ZNF746: variants seen among roughly 807,000 people sequenced by gnomAD.
ZNF746 encodes parkin-interacting substrate.
Under a neutral mutation model 41.0 loss-of-function variants are expected in ZNF746, and 13 were observed. The observed-to-expected ratio is 0.32, with a 90% CI of 0.21 to 0.50. ZNF746 has a LOEUF of 0.50. ZNF746 is among the 20% of genes least tolerant of loss of function. The probability of loss-of-function intolerance (pLI) is 0.98; values close to 1 mark genes in which losing one functional copy is unlikely to be tolerated. For synonymous variants in ZNF746, 424 were observed against 396.2 expected (o/e 1.07, Z -0.83); for missense variants, 811 against 922.9 (o/e 0.88, Z 1.57).
chr7:149,483,867 T>A (rs1216487412), intron 4 of ZNF746, among the ~76,000 whole-genome samples: 1 of 152,080 alleles, frequency 6.6e-6, no homozygotes, highest in Non-Finnish European at 1.5e-5. Flanking sequence ...AATAACCAAT[T>A]GGAAGAATGA....
chr7:149,484,218 G>A (rs10231827), intron 4 of ZNF746, among the ~76,000 whole-genome samples: 101,232 of 151,952 alleles, frequency 0.67, 34,146 homozygotes, highest in East Asian at 0.81. Flanking sequence ...TTTTAATACC[G>A]AAACCAGACA....
chr7:149,495,413 G>A (rs1365198145), intron 1 of ZNF746, among the ~76,000 whole-genome samples: 2 of 152,164 alleles, frequency 1.3e-5, no homozygotes, highest in Admixed American at 6.5e-5. Flanking sequence ...TTAGAGACGG[G>A]GGCCTTCCCT....
chr7:149,483,308 T>C (rs1250040951), intron 4 of ZNF746, among the ~76,000 whole-genome samples: 3 of 152,272 alleles, frequency 2.0e-5, no homozygotes, highest in South Asian at 2.1e-4. Context: ...CTTGTATGTT[T>C]ATATTAAAAA....
intron 4 of ZNF746, among the ~76,000 whole-genome samples, chr7:149,479,421 C>T (rs1800418996): frequency 6.6e-6 from 1 of 152,052 alleles, no homozygotes; most frequent in Admixed American, 6.5e-5. Flanking sequence ...ATTGCACAAA[C>T]TAGAGGGGTA....
intron 4 of ZNF746, among the ~76,000 whole-genome samples, chr7:149,482,760 C>T (rs1800519471): frequency 6.6e-6 from 1 of 152,164 alleles, no homozygotes; most frequent in Non-Finnish European, 1.5e-5. Context: ...CCACTACACC[C>T]AGCCAATAAC....
chr7:149,495,882 C>T (rs1163847984), intron 1 of ZNF746, among the ~76,000 whole-genome samples: 1 of 152,204 alleles, frequency 6.6e-6, no homozygotes, highest in Non-Finnish European at 1.5e-5. Context: ...ACAAGCTGAA[C>T]TGTTTCTAGG....
rs1801043106 is a variant in ZNF746 at position 149,497,382 on chromosome 7, C to T, written c.24+131G>A. 2.0e-6 allele frequency: 2 copies of T among 999,120 alleles called. No individual in the cohort carries two copies. Among genetic ancestry groups the T allele is most frequent in the East Asian group, 9.6e-5 (1 of 10,406 alleles). The allele number at this position is 999,120 out of a possible 1,614,324, so 61.9% of individuals were successfully genotyped here. A position where few individuals can be genotyped will look rare whatever the true frequency, so the allele number is the denominator to read the frequency against. On this transcript the variant is annotated intron_variant, in intron 1 of 6. Transcript: ENST00000458143. This position sits in a 1 kb window ranked among gnomAD's most constrained non-coding sequence, Gnocchi z 4.2. ...CCCGGCGGACCCCGCGCCCCATTCG[C>T]GGGAGCCCCAGGCCCGGTGGTCCGG...
intron 4 of ZNF746, chr7:149,490,511 G>A (rs1285912634): frequency 6.5e-6 from 1 of 152,738 alleles, no homozygotes; most frequent in African/African-American, 2.4e-5. Context: ...CACAATGGTG[G>A]GCATGGAGGG....
chr7:149,488,167 CTT>C (rs1260819638), intron 4 of ZNF746: 1 of 152,130 alleles, frequency 6.6e-6, no homozygotes, highest in Non-Finnish European at 1.5e-5. Flanking sequence ...ATTCAGCAAA[CTT>C]TGTTGGAAAA....
rs954770866 is a variant in ZNF746 at position 149,475,092 on chromosome 7, C to T, written c.1275G>A (p.Glu425=). 4 of 1,604,824 alleles carry T rather than the reference C, an allele frequency of 2.5e-6. No individual in the cohort carries two copies. The African/African-American group carries it at 4.0e-5, about 16-fold the overall frequency. The change falls in exon 7 of 7, where the codon GAG becomes GAA. Residue 425 remains glutamate (E), a synonymous_variant. Transcript: ENST00000458143. ...GGGCCTGGCTGGGGTCCAAGATGGC[C>T]TCTCCGTTGTCCGGGGAGGAGTAAG... The part of the protein sequence containing the change: ...GLPYSSPDNG[E]AILDPSQAPR...
At chr7:149,487,010 G>A (rs964268885) in intron 4 of ZNF746, among the ~76,000 whole-genome samples, 1 of 152,232 alleles carries the variant, frequency 6.6e-6, no homozygotes, top group African/African-American at 2.4e-5. Context: ...AGCTTCATCT[G>A]TAATTACAGC....
At chr7:149,476,313 C>CAAAAAAA (rs55888950) in intron 6 of ZNF746, among the ~76,000 whole-genome samples, 24 of 63,332 alleles carry the variant, frequency 3.8e-4, no homozygotes, top group East Asian at 3.1e-3. Flanking sequence ...GACTCCGCCT[C>CAAAAAAA]AAAAAAAAAA....
rs1159366287 is a variant in ZNF746 at position 149,474,827 on chromosome 7, C to CGCCACCGCCGCCGCCACTGCCGCT, written c.1516_1539dup (p.Ser506_Gly513dup). ...TCCCGTGCGCTGCCCCCACCGCTGC[C>CGCCACCGCCGCCGCCACTGCCGCT]GCCACCGCCGCCGCCACTGCCGCTG... On this transcript the variant is annotated inframe_insertion, in exon 7 of 7. Coordinates refer to ENST00000458143, the MANE Select transcript of ZNF746 (RefSeq NM_001394198.1). The surrounding 1 kb of genome is among the most constrained non-coding windows in gnomAD (Gnocchi z 6.3). 2 of 1,419,180 alleles carry CGCCACCGCCGCCGCCACTGCCGCT rather than the reference C, an allele frequency of 1.4e-6. No homozygotes were observed. The highest frequency in any genetic ancestry group is 3.0e-5 in the African/African-American group (2 of 65,830). The allele number at this position is 1,419,180 out of a possible 1,614,324, so 87.9% of individuals were successfully genotyped here. A position where few individuals can be genotyped will look rare whatever the true frequency, so the allele number is the denominator to read the frequency against.
In ZNF746 at chr7:149,475,063, C is replaced by G; in HGVS notation, c.1304G>C (p.Arg435Thr). Reference sequence around the variant, plus strand: ...GTATTTACAGGGTTCGTTGAATGGCCTTGGGGCCTGGCTGGGGTCCAAGAT... The same window carrying G: ...GTATTTACAGGGTTCGTTGAATGGCGTTGGGGCCTGGCTGGGGTCCAAGAT... Reference protein sequence around the residue: ...EAILDPSQAPRPFNEPCKYPG... With the variant: ...EAILDPSQAPTPFNEPCKYPG... Residue 435 changes from arginine to threonine, a missense_variant, in exon 7 of 7, where the codon AGG (arginine) becomes ACG (threonine). Physicochemically the swap from Arg to Thr is moderately conservative, Grantham distance 71. Transcript: ENST00000458143. 1 of 1,588,854 alleles carries G rather than the reference C, an allele frequency of 6.3e-7. No individual in the cohort carries two copies. The highest frequency in any genetic ancestry group is 8.6e-7 in the Non-Finnish European group (1 of 1,168,426).
intron 4 of ZNF746, among the ~76,000 whole-genome samples, chr7:149,484,343 T>C (rs992479011): frequency 1.3e-5 from 2 of 152,208 alleles, no homozygotes; most frequent in African/African-American, 4.8e-5. Context: ...ATGACAAAGT[T>C]AGGTTTATTC....
In ZNF746 at chr7:149,491,806, G is replaced by A. The variant is rs1800818523; in HGVS notation, c.565+1053C>T. On this transcript the variant is annotated intron_variant, in intron 4 of 6. Transcript: ENST00000458143. ...GGCGGGTCTTCTGGAGGAATCAGGG[G>A]TCGAGCCTTGCAGAGATGTGGTCTC... The A allele has an allele frequency of 1.3e-5, 9 of 694,118 alleles. No individual in the cohort carries two copies. In the South Asian group the frequency reaches 1.3e-4, roughly 10 times the overall value. 43.0% of individuals were successfully genotyped at this position (694,118 alleles called of 1,614,324 possible).
At chr7:149,483,619 A>C (rs1800543363) in intron 4 of ZNF746, among the ~76,000 whole-genome samples, 1 of 152,166 alleles carries the variant, frequency 6.6e-6, no homozygotes, top group Non-Finnish European at 1.5e-5. Flanking sequence ...AAATAAAAAA[A>C]AAAACAAAAA....
At position 149,474,607 on chromosome 7, in the gene ZNF746, C is replaced by T; in HGVS notation, c.1760G>A (p.Cys587Tyr). Residue 587 changes from cysteine (C) to tyrosine (Y), a missense_variant, in exon 7 of 7, where the codon TGC becomes TAC. Transcript: ENST00000458143. This position sits in a 1 kb window ranked among gnomAD's most constrained non-coding sequence, Gnocchi z 6.3. ...GTCCTTGCGGATGAAGCTTTTGCCG[C>T]AGACGGTGCAGGTGAAGGGCCGCAC... is the stretch of plus-strand genomic sequence containing the variant. ...TGVRPFTCTVCGKSFIRKDHL... is the reference protein window; with the variant it reads ...TGVRPFTCTVYGKSFIRKDHL... The T allele has an allele frequency of 6.2e-7, 1 of 1,613,264 alleles. No homozygotes were observed. Among genetic ancestry groups the T allele is most frequent in the Non-Finnish European group, 8.5e-7 (1 of 1,179,506 alleles).
intron 4 of ZNF746, among the ~76,000 whole-genome samples, chr7:149,482,450 G>T (rs1800509578): frequency 6.7e-6 from 1 of 149,006 alleles, no homozygotes; most frequent in African/African-American, 2.5e-5. Context: ...TAACCAGGAA[G>T]ATAAAGTAAT....
Sources: gnomAD v4.1 joint callset for allele counts (sites outside exome capture counted in the v4.1 genomes callset) on GRCh38, gnomAD v4.1.1 for gene constraint, Gnocchi (gnomAD v3.1) non-coding constraint, MANE v1.5 for transcripts, NCBI Gene and HGNC (gene_info 2026-07-23, HGNC 2026-07-21) for gene names.